NGLY1: variants seen among roughly 807,000 people sequenced by gnomAD.
NGLY1 encodes the protein N-glycanase 1, also known as peptide-N(4)-(N-acetyl-beta-glucosaminyl)asparagine amidase.
In NGLY1, 68 loss-of-function variants were observed where a neutral mutation model predicts 84.6. The ratio of observed to expected loss-of-function variants is 0.80; its 90% CI spans 0.66 to 0.98. NGLY1 has a LOEUF of 0.98. Ranked by LOEUF, NGLY1 falls within the 50% of genes least tolerant of loss-of-function variation. The probability of loss-of-function intolerance (pLI) is 0.00; values close to 1 mark genes in which losing one functional copy is unlikely to be tolerated. For synonymous variants in NGLY1, 280 were observed against 275.2 expected, an observed-to-expected ratio of 1.02 and a Z score of -0.17; for missense variants, 779 against 770.2, an observed-to-expected ratio of 1.01 and a Z score of -0.14.
At chr3:25,721,977 G>C (rs1312287942) in intron 10 of NGLY1, among the ~76,000 whole-genome samples, 1 of 151,726 alleles carries the variant, frequency 6.6e-6, no homozygotes, top group Non-Finnish European at 1.5e-5. Context: ...CAGCACTTTG[G>C]GAGGCTGAGG....
intron 2 of NGLY1, among the ~76,000 whole-genome samples, chr3:25,770,274 G>A (rs939260046): frequency 2.0e-5 from 3 of 152,116 alleles, no homozygotes; most frequent in East Asian, 3.9e-4. Context: ...TCAGCCTCCC[G>A]AGTAGCTGGG....
intron 4 of NGLY1, among the ~76,000 whole-genome samples, chr3:25,748,116 C>T (rs540250342): frequency 6.6e-6 from 1 of 152,246 alleles, no homozygotes; most frequent in Non-Finnish European, 1.5e-5. Context: ...TCCCTGACTC[C>T]AGCCCCTTGT....
intron 2 of NGLY1, among the ~76,000 whole-genome samples, chr3:25,772,557 G>C (rs367822599): frequency 2.0e-5 from 3 of 152,142 alleles, no homozygotes; most frequent in African/African-American, 7.2e-5. Context: ...GTCTCTTAGA[G>C]ACAGAGAATA....
upstream of NGLY1, among the ~76,000 whole-genome samples, chr3:25,787,569 A>C (rs1204702943): frequency 2.0e-5 from 3 of 152,172 alleles, no homozygotes; most frequent in Non-Finnish European, 4.4e-5. Context: ...TAAATATTTT[A>C]AGTGGCTTTG....
intron 2 of NGLY1, among the ~76,000 whole-genome samples, chr3:25,770,531 C>T (rs1365083263): frequency 1.3e-5 from 2 of 152,158 alleles, no homozygotes; most frequent in South Asian, 2.1e-4. Context: ...TAAAAACATG[C>T]GTGTGCAAGT....
In NGLY1 at chr3:25,766,016, T is replaced by A. The variant is rs542091006; in HGVS notation, c.247-1705A>T. On this transcript the variant is annotated intron_variant, in intron 2 of 11. Coordinates refer to ENST00000280700, the MANE Select transcript of NGLY1 (RefSeq NM_018297.4). The stretch of plus-strand genomic sequence containing the variant: ...AAAGCAAAATGCTGGGCGTTTTAAA[T>A]ACATCATCTCAAGTAATACAACTAC... 2.0e-5 allele frequency among the ~76,000 whole-genome samples: 3 copies of A among 151,714 alleles called. No individual in the cohort carries two copies. In the East Asian group the frequency reaches 5.9e-4, roughly 30 times the overall value.
intron 3 of NGLY1, among the ~76,000 whole-genome samples, chr3:25,757,172 A>G (rs1433951117): frequency 6.6e-6 from 1 of 152,328 alleles, no homozygotes; most frequent in South Asian, 2.1e-4. Flanking sequence ...AAGTTTTTTG[A>G]TATTAGGGAA....
chr3:25,774,277 C>T (rs1708043297), intron 2 of NGLY1, among the ~76,000 whole-genome samples: 1 of 152,182 alleles, frequency 6.6e-6, no homozygotes, highest in African/African-American at 2.4e-5. Context: ...AAGACAGCAT[C>T]AGCTGCAGTA....
At chr3:25,752,176 A>G (rs1386748480) in intron 3 of NGLY1, among the ~76,000 whole-genome samples, 1 of 152,220 alleles carries the variant, frequency 6.6e-6, no homozygotes, top group Admixed American at 6.5e-5. Flanking sequence ...CACTATATTC[A>G]GAGAAAGACT....
At chr3:25,770,137 G>A (rs1416807174) in intron 2 of NGLY1, among the ~76,000 whole-genome samples, 1 of 152,078 alleles carries the variant, frequency 6.6e-6, no homozygotes, top group Non-Finnish European at 1.5e-5. Context: ...TTATAGCTGA[G>A]TAGTATTCAT....
At chr3:25,731,455 G>C (rs1230765563) in intron 9 of NGLY1, among the ~76,000 whole-genome samples, 1 of 152,000 alleles carries the variant, frequency 6.6e-6, no homozygotes, top group East Asian at 1.9e-4. Context: ...ACAATACCAA[G>C]TGTACACAAA....
chr3:25,773,084 G>A (rs546913181), intron 2 of NGLY1, among the ~76,000 whole-genome samples: 9 of 152,236 alleles, frequency 5.9e-5, no homozygotes, highest in East Asian at 1.9e-4. Flanking sequence ...CTTGACTTTA[G>A]ATAACCTGAG....
chr3:25,727,608 GA>G (rs1705324610), intron 10 of NGLY1, among the ~76,000 whole-genome samples: 1 of 152,194 alleles, frequency 6.6e-6, no homozygotes, highest in Non-Finnish European at 1.5e-5. Flanking sequence ...TCATGGTTAA[GA>G]TGGCGGTTTA....
At chr3:25,727,769 T>G (rs543315558) in intron 10 of NGLY1, among the ~76,000 whole-genome samples, 2 of 152,314 alleles carry the variant, frequency 1.3e-5, no homozygotes, top group African/African-American at 4.8e-5. Context: ...GTAGTTCTGT[T>G]TCTTGGCATA....
At chr3:25,775,044 C>A (rs1305106942) in intron 2 of NGLY1, among the ~76,000 whole-genome samples, 1 of 152,170 alleles carries the variant, frequency 6.6e-6, no homozygotes, top group African/African-American at 2.4e-5. Flanking sequence ...AAGGTTAAAC[C>A]CTTCTCCCGT....
At chr3:25,782,086 C>T in intron 1 of NGLY1, among the ~76,000 whole-genome samples, 1 of 152,202 alleles carries the variant, frequency 6.6e-6, no homozygotes. Context: ...TAGCTGTGAA[C>T]AGGCCACATG....
At chr3:25,727,903 A>C (rs1202041461) in intron 10 of NGLY1, among the ~76,000 whole-genome samples, 1 of 151,934 alleles carries the variant, frequency 6.6e-6, no homozygotes, top group Admixed American at 6.6e-5. Flanking sequence ...TCGATAAAAA[A>C]CCCTTTTATT....
intron 2 of NGLY1, among the ~76,000 whole-genome samples, chr3:25,777,395 CAAAAA>C (rs11332980): frequency 1.0e-4 from 9 of 87,474 alleles, no homozygotes; most frequent in Admixed American, 2.8e-4. Context: ...AACTCCATCT[CAAAAA>C]AAAAAAAAAA....
intron 7 of NGLY1, chr3:25,734,909 AT>A: frequency 1.6e-5 from 13 of 804,926 alleles, no homozygotes; most frequent in Non-Finnish European, 1.8e-5. Flanking sequence ...AATTTTATCC[AT>A]TTTTATTGTA....
Sources: gnomAD v4.1 joint callset for allele counts (sites outside exome capture counted in the v4.1 genomes callset) on GRCh38, gnomAD v4.1.1 for gene constraint, MANE v1.5 for transcripts, NCBI Gene and HGNC (gene_info 2026-07-23, HGNC 2026-07-21) for gene names.